The following RANBP2 variants were observed in gnomAD, a reference collection of about 807,000 sequenced individuals.
RANBP2 encodes E3 SUMO-protein ligase RanBP2.
Under a neutral mutation model 303.6 loss-of-function variants are expected in RANBP2, and 57 were observed. The observed-to-expected ratio is 0.19, with a 90% CI of 0.15 to 0.23. RANBP2 has a LOEUF of 0.23. Ranked by LOEUF, RANBP2 falls within the 10% of genes least tolerant of loss-of-function variation. RANBP2 has a pLI of 1.00. For missense variants in RANBP2, 3,138 were observed against 3,780.8 expected, an observed-to-expected ratio of 0.83 and a Z score of 4.46; for synonymous variants, 1,167 against 1,301.5, an observed-to-expected ratio of 0.90 and a Z score of 2.23.
the RANBP2 span, among the ~76,000 whole-genome samples, chr2:108,796,906 A>G: frequency 1.3e-5 from 2 of 152,354 alleles, no homozygotes; most frequent in East Asian, 1.9e-4. Context: ...ATTTACTAGT[A>G]CAATAGGGAA....
the RANBP2 span, among the ~76,000 whole-genome samples, chr2:109,382,606 C>T: frequency 6.6e-6 from 1 of 152,180 alleles, no homozygotes; most frequent in African/African-American, 2.4e-5. Context: ...TCTCCAGGAC[C>T]TTCCTTTGGA....
chr2:109,197,631 T>G, the RANBP2 span, among the ~76,000 whole-genome samples: 7 of 152,164 alleles, frequency 4.6e-5, no homozygotes, highest in African/African-American at 1.4e-4. Flanking sequence ...GTTTTGAGAT[T>G]CTTGGATATT....
the RANBP2 span, among the ~76,000 whole-genome samples, chr2:109,378,915 G>A: frequency 6.6e-6 from 1 of 152,156 alleles, no homozygotes; most frequent in Non-Finnish European, 1.5e-5. Context: ...GAAGACTCCA[G>A]GGGACTTTCT....
rs779199214 is a variant in RANBP2, at chr2:108,729,218, AT to A, written c.140+20del. 4 of 1,562,696 alleles carry A rather than the reference AT, an allele frequency of 2.6e-6. No homozygotes were observed. In the South Asian group the frequency reaches 3.4e-5, roughly 13 times the overall value. ...CTAAAAAGTAAGTACAAACTGTAAC[AT>A]GTATTTTTTTTTTAAAATCAATGCC... On this transcript the variant is annotated intron_variant, in intron 2 of 28. Coordinates refer to ENST00000283195, the MANE Select transcript of RANBP2 (RefSeq NM_006267.5).
chr2:109,673,831 A>G, the RANBP2 span, among the ~76,000 whole-genome samples: 16 of 152,334 alleles, frequency 1.1e-4, no homozygotes, highest in Non-Finnish European at 1.9e-4. Context: ...TCAACAATGT[A>G]TGAGAGCTCC....
the RANBP2 span, among the ~76,000 whole-genome samples, chr2:109,056,045 A>C: frequency 6.6e-6 from 1 of 152,186 alleles, no homozygotes; most frequent in African/African-American, 2.4e-5. Context: ...GGCGTGAGCC[A>C]CTGAGCCCAG....
At chr2:109,491,412 T>A in the RANBP2 span, among the ~76,000 whole-genome samples, 3 of 152,228 alleles carry the variant, frequency 2.0e-5, no homozygotes, top group African/African-American at 7.2e-5. Context: ...TCTATATCCC[T>A]TGAATTATCA....
chr2:109,563,158 G>A, the RANBP2 span, among the ~76,000 whole-genome samples: 3 of 152,008 alleles, frequency 2.0e-5, no homozygotes, highest in Non-Finnish European at 4.4e-5. Context: ...TGGTCTGCCC[G>A]CCTTGGCCTC....
the RANBP2 span, among the ~76,000 whole-genome samples, chr2:108,841,389 T>A: frequency 6.6e-6 from 1 of 152,216 alleles, no homozygotes; most frequent in African/African-American, 2.4e-5. Context: ...ATTGTAGATT[T>A]ATATGTTATA....
At chr2:108,818,820 C>CTT in the RANBP2 span, among the ~76,000 whole-genome samples, 6 of 144,574 alleles carry the variant, frequency 4.2e-5, no homozygotes, top group African/African-American at 7.6e-5. Flanking sequence ...AAACTTCTGA[C>CTT]TTTTTTTTTT....
chr2:109,564,228 A>G, the RANBP2 span: 1 of 738,786 alleles, frequency 1.4e-6, no homozygotes, highest in Non-Finnish European at 1.9e-6. Context: ...AAGCACAATA[A>G]TTAGTCATTA....
the RANBP2 span, among the ~76,000 whole-genome samples, chr2:109,555,203 C>T: frequency 1.2e-4 from 18 of 152,278 alleles, no homozygotes; most frequent in Admixed American, 5.9e-4. Flanking sequence ...AGAATAAGGT[C>T]CCACCTCCTT....
chr2:109,002,308 G>T, the RANBP2 span, among the ~76,000 whole-genome samples: 1 of 152,270 alleles, frequency 6.6e-6, no homozygotes, highest in African/African-American at 2.4e-5. Context: ...TTGTGAGCCG[G>T]GATTCCACTT....
chr2:108,968,733 C>T, the RANBP2 span, among the ~76,000 whole-genome samples: 1 of 152,172 alleles, frequency 6.6e-6, no homozygotes, highest in Non-Finnish European at 1.5e-5. Context: ...GATGCTGATA[C>T]AAAAAGCCAT....
chr2:109,333,766 T>C, the RANBP2 span, among the ~76,000 whole-genome samples: 715 of 152,324 alleles, frequency 4.7e-3, 4 homozygotes, highest in African/African-American at 0.016. Flanking sequence ...ACCTTGAACA[T>C]GTTAATTAAC....
At chr2:109,563,329 T>G in the RANBP2 span, among the ~76,000 whole-genome samples, 2 of 152,218 alleles carry the variant, frequency 1.3e-5, no homozygotes, top group African/African-American at 4.8e-5. Context: ...TCCAAAAGCT[T>G]ATATGCAACA....
chr2:109,370,221 GTCTCTGTCTC>G, the RANBP2 span, among the ~76,000 whole-genome samples: 1 of 148,708 alleles, frequency 6.7e-6, no homozygotes, highest in South Asian at 2.2e-4. Context: ...CTCTGTCTCT[GTCTCTGTCTC>G]TCTCTCTCTT....
chr2:108,786,542 G>A (rs1381675989), downstream of RANBP2, among the ~76,000 whole-genome samples: 1 of 152,008 alleles, frequency 6.6e-6, no homozygotes, highest in South Asian at 2.1e-4. Flanking sequence ...GCGGGGCCTC[G>A]GTGCCCCTCA....
At chr2:109,747,883 G>A in the RANBP2 span, among the ~76,000 whole-genome samples, 1 of 139,226 alleles carries the variant, frequency 7.2e-6, no homozygotes, top group East Asian at 2.0e-4. Flanking sequence ...AGGTTAGAAT[G>A]CCATGGTCTT....
Sources: gnomAD v4.1 joint callset for allele counts (sites outside exome capture counted in the v4.1 genomes callset) on GRCh38, gnomAD v4.1.1 for gene constraint, MANE v1.5 for transcripts, NCBI Gene and HGNC (gene_info 2026-07-23, HGNC 2026-07-21) for gene names.